RGS6: variants seen among roughly 807,000 people sequenced by gnomAD.
RGS6 encodes regulator of G-protein signaling 6.
Under a neutral mutation model 78.5 loss-of-function variants are expected in RGS6, and 30 were observed. The ratio of observed to expected loss-of-function variants is 0.38; its 90% confidence interval spans 0.29 to 0.52. The LOEUF is 0.52. Ranked by LOEUF, RGS6 falls within the 20% of genes least tolerant of loss-of-function variation. RGS6 has a pLI of 0.85. For missense variants in RGS6, 495 were observed against 609.7 expected, an observed-to-expected ratio of 0.81 and a Z score of 1.98; for synonymous variants, 206 against 206.0, an observed-to-expected ratio of 1.00 and a Z score of 0.00.
intron 3 of RGS6, among the ~76,000 whole-genome samples, chr14:72,427,099 C>A (rs1380275825): frequency 6.6e-6 from 1 of 152,198 alleles, no homozygotes; most frequent in Non-Finnish European, 1.5e-5. Flanking sequence ...TGTGAGTCAT[C>A]TTGAAAGTAC....
intron 3 of RGS6, among the ~76,000 whole-genome samples, chr14:72,412,728 C>G (rs1465435975): frequency 6.6e-6 from 1 of 152,188 alleles, no homozygotes; most frequent in Non-Finnish European, 1.5e-5. Flanking sequence ...TCCCTCTACA[C>G]ACTGCTTTGA....
rs376182940 is a variant in RGS6 at position 72,154,141 on chromosome 14, G to A, written c.84+189266G>A. Among the ~76,000 whole-genome samples the A allele has an allele frequency of 8.5e-5, 13 of 152,222 alleles. No individual in the cohort carries two copies. The East Asian group carries it at 1.2e-3, about 14-fold the overall frequency. ...TGATATCTCTCCTACTTGCACAACC[G>A]TTTATAGGCTCTCGGCAAGAAGAAA... On this transcript the variant is annotated intron_variant, in intron 2 of 17. Transcript: ENST00000553525.
chr14:72,400,008 C>G (rs368888014), intron 3 of RGS6, among the ~76,000 whole-genome samples: 138 of 152,222 alleles, frequency 9.1e-4, no homozygotes, highest in African/African-American at 3.1e-3. Flanking sequence ...GCAAGGCAGG[C>G]CAACATTCAA....
the RGS6 span, among the ~76,000 whole-genome samples, chr14:71,874,452 G>A: frequency 6.6e-6 from 1 of 151,970 alleles, no homozygotes; most frequent in Non-Finnish European, 1.5e-5. Context: ...TTGTTTGTTG[G>A]TGGTGTATAG....
At chr14:72,096,403 G>A (rs758309105) in intron 2 of RGS6, among the ~76,000 whole-genome samples, 5 of 152,186 alleles carry the variant, frequency 3.3e-5, no homozygotes, top group Non-Finnish European at 7.3e-5. Flanking sequence ...ATGGGGAACA[G>A]GAGCCCAAAG....
chr14:72,053,775 C>G (rs2093467899), intron 2 of RGS6, among the ~76,000 whole-genome samples: 2 of 152,206 alleles, frequency 1.3e-5, no homozygotes, highest in South Asian at 4.1e-4. Flanking sequence ...TTCAAAATCT[C>G]TCCACGAAAT....
At chr14:72,434,037 G>A (rs899608838) in intron 3 of RGS6, among the ~76,000 whole-genome samples, 2 of 152,182 alleles carry the variant, frequency 1.3e-5, no homozygotes, top group Non-Finnish European at 1.5e-5. Flanking sequence ...CAACGTGTCC[G>A]TTAACATTCA....
intron 2 of RGS6, among the ~76,000 whole-genome samples, chr14:72,263,473 C>T (rs919776623): frequency 2.6e-5 from 4 of 152,130 alleles, no homozygotes; most frequent in African/African-American, 9.7e-5. Context: ...CCTCCCCCTT[C>T]TCTATCCTCT....
At chr14:72,270,403 G>T (rs917284) in intron 2 of RGS6, among the ~76,000 whole-genome samples, 85,521 of 152,006 alleles carry the variant, frequency 0.56, 24,158 homozygotes, top group Middle Eastern at 0.6. Context: ...AATAGGAAAG[G>T]ATGGGAGAAA....
intron 2 of RGS6, among the ~76,000 whole-genome samples, chr14:71,999,179 G>T (rs1421011682): frequency 6.6e-6 from 1 of 152,204 alleles, no homozygotes; most frequent in Non-Finnish European, 1.5e-5. Context: ...ATTATCGTAG[G>T]TTCTTTTTTA....
At chr14:71,948,613 C>T (rs2091881542) in intron 1 of RGS6, among the ~76,000 whole-genome samples, 1 of 152,130 alleles carries the variant, frequency 6.6e-6, no homozygotes, top group African/African-American at 2.4e-5. Context: ...TCCATGTTAT[C>T]TCTCTGAGAT....
At chr14:72,407,395 C>G (rs2093027613) in intron 3 of RGS6, among the ~76,000 whole-genome samples, 1 of 152,176 alleles carries the variant, frequency 6.6e-6, no homozygotes, top group South Asian at 2.1e-4. Flanking sequence ...TATGGTATTG[C>G]TGTTCCTAAT....
intron 15 of RGS6, among the ~76,000 whole-genome samples, chr14:72,535,613 CGT>C (rs1293879012): frequency 1.3e-5 from 2 of 152,162 alleles, no homozygotes; most frequent in African/African-American, 4.8e-5. Flanking sequence ...AACTTTATCA[CGT>C]GTTAAGATGT....
intron 2 of RGS6, among the ~76,000 whole-genome samples, chr14:72,083,893 T>C (rs1175442510): frequency 6.6e-6 from 1 of 152,162 alleles, no homozygotes; most frequent in Admixed American, 6.5e-5. Flanking sequence ...TAGTCTGGAA[T>C]ACAGGTAGGG....
intron 2 of RGS6, among the ~76,000 whole-genome samples, chr14:72,206,761 TC>T (rs1417206415): frequency 1.3e-5 from 2 of 152,094 alleles, no homozygotes; most frequent in Non-Finnish European, 2.9e-5. Context: ...TTCAATCATC[TC>T]CCACTGGGTT....
At chr14:72,618,283 G>A in the RGS6 span, among the ~76,000 whole-genome samples, 1 of 152,182 alleles carries the variant, frequency 6.6e-6, no homozygotes, top group Non-Finnish European at 1.5e-5. Context: ...AAATTACTTG[G>A]AAAAAGGAAT....
chr14:72,517,606 T>C (rs1016545992), intron 14 of RGS6, among the ~76,000 whole-genome samples: 3 of 152,240 alleles, frequency 2.0e-5, no homozygotes, highest in Non-Finnish European at 2.9e-5. Context: ...CTCTTCAGCA[T>C]TGCTCCAGAT....
intron 17 of RGS6, chr14:72,550,361 T>G: frequency 9.9e-7 from 1 of 1,007,344 alleles, no homozygotes; most frequent in Non-Finnish European, 1.5e-6. Flanking sequence ...CACCTGTACT[T>G]AGTGACAGGG....
chr14:72,108,353 A>AT (rs564720097), intron 2 of RGS6, among the ~76,000 whole-genome samples: 3 of 151,714 alleles, frequency 2.0e-5, no homozygotes, highest in East Asian at 1.9e-4. Flanking sequence ...GCCCATAGAG[A>AT]TTTTTTTTCT....
Sources: allele counts gnomAD v4.1 joint callset (sites outside exome capture counted in the v4.1 genomes callset), GRCh38; gene constraint gnomAD v4.1.1; transcripts MANE v1.5; gene names NCBI Gene and HGNC (gene_info 2026-07-23, HGNC 2026-07-21).